The following PRSS38 variants were observed in gnomAD, a reference collection of about 807,000 sequenced individuals.
PRSS38 encodes marapsin 2.
Under a neutral mutation model 26.8 loss-of-function variants are expected in PRSS38, and 22 were observed. The ratio of observed to expected loss-of-function variants is 0.82; its 90% CI spans 0.59 to 1.17. The LOEUF is 1.17. PRSS38 is among the 50% of genes most tolerant of loss of function. PRSS38 has a pLI of 0.00. For missense variants in PRSS38, 427 were observed against 422.7 expected (o/e 1.01, Z -0.09); for synonymous variants, 175 against 172.1 (o/e 1.02, Z -0.13).
exon 3 of PRSS38, chr1:227,817,352 C>A: frequency 1.2e-6 from 2 of 1,614,164 alleles, no homozygotes; most frequent in Non-Finnish European, 1.7e-6. Context: ...GGTGACGTGG[C>A]CCTGGTGCAG....
At chr1:227,823,762 T>G (rs1211839223) in intron 3 of PRSS38, among the ~76,000 whole-genome samples, 1 of 152,232 alleles carries the variant, frequency 6.6e-6, no homozygotes, top group Non-Finnish European at 1.5e-5. Context: ...CAGAGGCAGA[T>G]GCTGGCACTA....
In PRSS38 at chr1:227,845,568, A is replaced by AT. The variant is rs767461167; in HGVS notation, c.683dup (p.Met228IlefsTer11). 1.9e-5 allele frequency: 31 copies of AT among 1,613,632 alleles called. No individual in the cohort carries two copies. Among genetic ancestry groups the AT allele is most frequent in the Non-Finnish European group, 2.5e-5 (30 of 1,179,818 alleles). On this transcript the variant is annotated frameshift_variant, in exon 4 of 5. Transcript: ENST00000366757. LOFTEE classifies it low-confidence loss of function (END_TRUNC). ...ACACATGTCCTACATCATGCCCGAC[A>AT]TGCTGTGTGCTGGGGACATCCTGAA...
At chr1:227,827,920 C>T (rs1665098518) in intron 3 of PRSS38, among the ~76,000 whole-genome samples, 1 of 152,238 alleles carries the variant, frequency 6.6e-6, no homozygotes, top group Admixed American at 6.5e-5. Flanking sequence ...GAAAGAACTT[C>T]TTGATTTCTG....
intron 3 of PRSS38, among the ~76,000 whole-genome samples, chr1:227,831,042 T>G (rs1223156246): frequency 6.6e-6 from 1 of 152,122 alleles, no homozygotes; most frequent in African/African-American, 2.4e-5. Flanking sequence ...TGATTTCCAC[T>G]CTCATTTTTC....
chr1:227,837,902 T>C (rs1166298162), intron 3 of PRSS38, among the ~76,000 whole-genome samples: 3 of 152,104 alleles, frequency 2.0e-5, no homozygotes, highest in Admixed American at 6.6e-5. Flanking sequence ...ACTGGCTTGG[T>C]TTGTAATTTT....
At chr1:227,835,919 T>C (rs972307971) in intron 3 of PRSS38, among the ~76,000 whole-genome samples, 2 of 152,168 alleles carry the variant, frequency 1.3e-5, no homozygotes, top group African/African-American at 2.4e-5. Context: ...CTTAATTTAA[T>C]GTAACGTAAA....
chr1:227,827,555 T>G (rs1409069080), intron 3 of PRSS38, among the ~76,000 whole-genome samples: 1 of 152,114 alleles, frequency 6.6e-6, no homozygotes, highest in African/African-American at 2.4e-5. Context: ...CATTTCTGAT[T>G]GTGTTTATTT....
intron 3 of PRSS38, among the ~76,000 whole-genome samples, chr1:227,842,476 A>G (rs1352761762): frequency 6.6e-6 from 1 of 152,190 alleles, no homozygotes; most frequent in African/African-American, 2.4e-5. Context: ...TGCTTATAAT[A>G]ATATGGACAC....
chr1:227,842,445 G>A lies in PRSS38; in HGVS notation c.584-3025G>A, dbSNP rs573813444. Among the ~76,000 whole-genome samples the A allele has an allele frequency of 2.6e-5, 4 of 152,274 alleles. No homozygotes were observed. In the South Asian group the frequency reaches 8.3e-4, roughly 32 times the overall value. ...ATTTACTCTACATTTGTTCCTGCATGGTGCTCTTTCAGTGTTTGCTTGCTT... is the reference window on the plus strand; with the variant it reads ...ATTTACTCTACATTTGTTCCTGCATAGTGCTCTTTCAGTGTTTGCTTGCTT... On this transcript the variant is annotated intron_variant, in intron 3 of 4. Coordinates refer to ENST00000366757, the Ensembl canonical transcript of PRSS38.
chr1:227,815,924 G>T, intron 1 of PRSS38, 60 bp downstream of exon 1: 1 of 1,541,088 alleles, frequency 6.5e-7, no homozygotes, highest in Non-Finnish European at 8.8e-7. Flanking sequence ...GGCGTCTGTC[G>T]GTGCTGGGCC....
At chr1:227,819,813 G>A (rs1279144489) in intron 3 of PRSS38, among the ~76,000 whole-genome samples, 3 of 151,924 alleles carry the variant, frequency 2.0e-5, no homozygotes, top group Non-Finnish European at 2.9e-5. Context: ...ATTTTTGGCC[G>A]GGTGCAGTGG....
intron 3 of PRSS38, among the ~76,000 whole-genome samples, chr1:227,820,741 A>G (rs978699602): frequency 9.9e-5 from 15 of 152,190 alleles, no homozygotes; most frequent in African/African-American, 3.6e-4. Context: ...CATAGAATGA[A>G]TTATGAAGTG....
At chr1:227,843,258 A>C (rs1312849725) in intron 3 of PRSS38, among the ~76,000 whole-genome samples, 1 of 152,216 alleles carries the variant, frequency 6.6e-6, no homozygotes, top group Non-Finnish European at 1.5e-5. Context: ...AACGTAACTG[A>C]AAAGTAGCCC....
chr1:227,819,107 T>C (rs1664965226), intron 3 of PRSS38, among the ~76,000 whole-genome samples: 1 of 152,242 alleles, frequency 6.6e-6, no homozygotes, highest in Non-Finnish European at 1.5e-5. Flanking sequence ...TAATTCCTTA[T>C]CATAGTTGCC....
intron 3 of PRSS38, among the ~76,000 whole-genome samples, chr1:227,843,838 G>C (rs1665374736): frequency 6.6e-6 from 1 of 152,000 alleles, no homozygotes; most frequent in African/African-American, 2.4e-5. Flanking sequence ...TGGCCAACAA[G>C]GTGAAACCCT....
At position 227,817,423 on chromosome 1, in the gene PRSS38, G is replaced by A. The variant is rs769579849; in HGVS notation, c.526G>A (p.Val176Met). The stretch of plus-strand genomic sequence containing the variant: ...CCCGGTTTGCCTTGCAACTCCAGAA[G>A]TGAACCTTACCAGTGCCAATTGCTG... Residue 176 changes from valine to methionine, a missense_variant, in exon 3 of 5, where the codon GTG becomes ATG. Val to Met is a conservative substitution (Grantham distance 21, BLOSUM62 1). Coordinates refer to ENST00000366757, the Ensembl canonical transcript of PRSS38. 4.3e-6 allele frequency: 7 copies of A among 1,614,204 alleles called. No homozygotes were observed. The South Asian group carries it at 7.7e-5, about 18-fold the overall frequency.
chr1:227,838,422 C>T (rs547832226), intron 3 of PRSS38, among the ~76,000 whole-genome samples: 2 of 152,308 alleles, frequency 1.3e-5, no homozygotes, highest in South Asian at 2.1e-4. Context: ...TGCAGATGAG[C>T]GTTGTAGTCT....
intron 3 of PRSS38, among the ~76,000 whole-genome samples, chr1:227,838,149 C>T (rs558413716): frequency 1.2e-3 from 186 of 152,282 alleles, no homozygotes; most frequent in African/African-American, 4.4e-3. Context: ...TTTGGTTTCA[C>T]ACATAGGGTC....
chr1:227,842,050 A>C (rs1264580163), intron 3 of PRSS38, among the ~76,000 whole-genome samples: 1 of 151,932 alleles, frequency 6.6e-6, no homozygotes, highest in African/African-American at 2.4e-5. Context: ...GTAGAATGAG[A>C]ACTCACTCCC....
Sources: gnomAD v4.1 joint callset for allele counts (sites outside exome capture counted in the v4.1 genomes callset) on GRCh38, gnomAD v4.1.1 for gene constraint, MANE v1.5 for transcripts, NCBI Gene and HGNC (gene_info 2026-07-23, HGNC 2026-07-21) for gene names.